The following CALN1 variants were observed in gnomAD, a reference collection of about 807,000 sequenced individuals.
CALN1 encodes calneuron 1.
Under a neutral mutation model 30.6 loss-of-function variants are expected in CALN1, and 17 were observed. That is an observed-to-expected ratio of 0.56 (90% CI 0.38 to 0.83). The LOEUF (loss-of-function observed/expected upper bound fraction) is 0.83. Ranked by LOEUF, CALN1 falls within the 40% of genes least tolerant of loss-of-function variation. The probability of loss-of-function intolerance (pLI) is 0.00; values close to 1 mark genes in which losing one functional copy is unlikely to be tolerated. For missense variants in CALN1, 291 were observed against 354.9 expected, an observed-to-expected ratio of 0.82 and a Z score of 1.45; for synonymous variants, 156 against 131.4, an observed-to-expected ratio of 1.19 and a Z score of -1.28.
rs111795537 is a variant in CALN1, at chr7:71,991,048, A to AGG, written c.501+32607_501+32608dup. Reference sequence around the variant, plus strand: ...CAGATGGAAAAGGTATGAAACAGTGAGGGGGGGGGTCGACAAATATGAAGG... The same window carrying AGG: ...CAGATGGAAAAGGTATGAAACAGTGAGGGGGGGGGGGTCGACAAATATGAAGG... On this transcript the variant is annotated intron_variant, in intron 5 of 6. Coordinates refer to ENST00000395275, the MANE Select transcript of CALN1 (RefSeq NM_031468.4). Among the ~76,000 whole-genome samples, 65 of 146,550 alleles carry AGG rather than the reference A, an allele frequency of 4.4e-4. No homozygotes were observed. The East Asian group carries it at 5.5e-3, about 12-fold the overall frequency.
intron 3 of CALN1, among the ~76,000 whole-genome samples, chr7:72,264,850 C>T (rs867515976): frequency 6.6e-6 from 1 of 152,178 alleles, no homozygotes; most frequent in Non-Finnish European, 1.5e-5. Context: ...CCTCCACCAT[C>T]TGATAGGCCC....
intron 3 of CALN1, among the ~76,000 whole-genome samples, chr7:72,130,001 A>G (rs1416880947): frequency 6.6e-6 from 1 of 152,104 alleles, no homozygotes; most frequent in Admixed American, 6.5e-5. Flanking sequence ...GGGGTGAGTG[A>G]GTTCTTGCTT....
chr7:72,092,462 A>T (rs550255519), intron 4 of CALN1, among the ~76,000 whole-genome samples: 1 of 152,106 alleles, frequency 6.6e-6, no homozygotes, highest in African/African-American at 2.4e-5. Context: ...ACATATATAC[A>T]CACATTCCGT....
At chr7:71,925,725 T>C (rs1183259104) in intron 5 of CALN1, among the ~76,000 whole-genome samples, 1 of 152,220 alleles carries the variant, frequency 6.6e-6, no homozygotes, top group African/African-American at 2.4e-5. Flanking sequence ...TGAGAAGCAA[T>C]GGAATCCCTT....
At chr7:72,076,843 G>A (rs1804778719) in intron 4 of CALN1, among the ~76,000 whole-genome samples, 1 of 152,070 alleles carries the variant, frequency 6.6e-6, no homozygotes, top group South Asian at 2.1e-4. Flanking sequence ...AGACCAGCAA[G>A]GAACAGAAAC....
At chr7:72,236,146 CT>C (rs1353837652) in intron 3 of CALN1, among the ~76,000 whole-genome samples, 1 of 151,562 alleles carries the variant, frequency 6.6e-6, no homozygotes, top group African/African-American at 2.4e-5. Context: ...AGTCCAATTT[CT>C]TACAAGCTGA....
intron 3 of CALN1, among the ~76,000 whole-genome samples, chr7:72,205,449 C>G (rs1031026213): frequency 6.7e-6 from 1 of 149,722 alleles, no homozygotes; most frequent in Non-Finnish European, 1.5e-5. Flanking sequence ...TTGATCCACC[C>G]ACCTTGGCCT....
chr7:71,932,870 A>AT (rs1331760028), intron 5 of CALN1, among the ~76,000 whole-genome samples: 3 of 151,650 alleles, frequency 2.0e-5, no homozygotes, highest in Non-Finnish European at 4.4e-5. Context: ...GTATGGGAAG[A>AT]TTTTTATTCT....
the CALN1 span, among the ~76,000 whole-genome samples, chr7:72,473,995 A>G: frequency 8.5e-5 from 13 of 152,108 alleles, no homozygotes; most frequent in African/African-American, 3.1e-4. Flanking sequence ...GCATTTGAGG[A>G]ACTGAGTATT....
Position 72,403,307 on chromosome 7 carries a change from T to C in CALN1, c.63A>G (p.Gly21=), listed in dbSNP as rs924080363. 1.7e-5 allele frequency: 27 copies of C among 1,550,208 alleles called. No individual in the cohort carries two copies. The highest frequency in any genetic ancestry group is 2.4e-5 in the Non-Finnish European group (27 of 1,146,984). Residue 21 remains glycine (G), a synonymous_variant, in exon 2 of 7, where the codon GGA becomes GGG. Transcript: ENST00000395275. Reference sequence around the variant, plus strand: ...GCGGCTCCTCTCCCCCTCCGAGGGCTCCTCCGTCCCCCTTTTTCTCATTCT... The same window carrying C: ...GCGGCTCCTCTCCCCCTCCGAGGGCCCCTCCGTCCCCCTTTTTCTCATTCT... The part of the protein sequence containing the change: ...KPENEKKGDG[G]ALGGGEEPPR...
intron 3 of CALN1, among the ~76,000 whole-genome samples, chr7:72,268,479 TTAAC>T (rs1796740208): frequency 6.6e-6 from 1 of 152,194 alleles, no homozygotes; most frequent in African/African-American, 2.4e-5. Flanking sequence ...GTTGACAATT[TTAAC>T]TAATTCAGGG....
intron 5 of CALN1, among the ~76,000 whole-genome samples, chr7:71,937,511 C>T (rs1795906630): frequency 6.6e-6 from 1 of 151,866 alleles, no homozygotes; most frequent in Non-Finnish European, 1.5e-5. Flanking sequence ...ATAAAACTTT[C>T]CCTGTGGACC....
At chr7:71,837,257 A>AAAAAAAAAAAAAAAAAAAAAAAAC (rs1789675540) in intron 5 of CALN1, among the ~76,000 whole-genome samples, 1 of 150,184 alleles carries the variant, frequency 6.7e-6, no homozygotes, top group Admixed American at 6.6e-5. Context: ...AAAAAAAAAA[A>AAAAAAAAAAAAAAAAAAAAAAAAC]AAAAAAAAGC....
intron 5 of CALN1, among the ~76,000 whole-genome samples, chr7:71,873,041 T>C (rs1193127950): frequency 7.2e-6 from 1 of 139,684 alleles, no homozygotes; most frequent in African/African-American, 2.8e-5. Context: ...TCTCACCCTG[T>C]CACCCAGTCT....
At chr7:72,382,929 C>G (rs998258581) in intron 2 of CALN1, among the ~76,000 whole-genome samples, 3 of 152,168 alleles carry the variant, frequency 2.0e-5, no homozygotes, top group Non-Finnish European at 2.9e-5. Flanking sequence ...GCTGGGACTA[C>G]AGGTGCACGC....
At chr7:72,245,905 G>C (rs769709781) in intron 3 of CALN1, among the ~76,000 whole-genome samples, 2 of 152,158 alleles carry the variant, frequency 1.3e-5, no homozygotes, top group Admixed American at 6.5e-5. Context: ...AATGTAGCTG[G>C]CCACAAGGTC....
intron 1 of CALN1, among the ~76,000 whole-genome samples, chr7:72,429,340 A>G (rs1331201856): frequency 6.6e-6 from 1 of 152,202 alleles, no homozygotes; most frequent in Non-Finnish European, 1.5e-5. Context: ...TCCTTGCAAC[A>G]TCTCCAGCAC....
intron 2 of CALN1, among the ~76,000 whole-genome samples, chr7:72,296,843 TG>T (rs1229772561): frequency 6.6e-5 from 10 of 151,448 alleles, no homozygotes; most frequent in South Asian, 6.3e-4. Flanking sequence ...AAGGGTTTTT[TG>T]TGTCTCTATT....
chr7:71,850,022 A>C (rs912549078), intron 5 of CALN1, among the ~76,000 whole-genome samples: 1 of 152,190 alleles, frequency 6.6e-6, no homozygotes. Flanking sequence ...GCTTCCTAGA[A>C]TCTCTCCTAG....
Sources: allele counts gnomAD v4.1 joint callset (sites outside exome capture counted in the v4.1 genomes callset), GRCh38; gene constraint gnomAD v4.1.1; transcripts MANE v1.5; gene names NCBI Gene and HGNC (gene_info 2026-07-23, HGNC 2026-07-21).